Variants in KCNIP4 observed in about 807,000 individuals in gnomAD.
KCNIP4 encodes potassium voltage-gated channel interacting protein 4.
In KCNIP4, 12 loss-of-function variants were observed where a neutral mutation model predicts 34.0. The ratio of observed to expected loss-of-function variants is 0.35; its 90% CI spans 0.23 to 0.57. KCNIP4 has a LOEUF of 0.57. Among genes scored for constraint, KCNIP4 ranks in the 20% least tolerant of loss-of-function variants. The pLI is 0.83. For missense variants in KCNIP4, 238 were observed against 311.7 expected (o/e 0.76, Z 1.78); for synonymous variants, 124 against 102.2 (o/e 1.21, Z -1.29).
intron 2 of KCNIP4, among the ~76,000 whole-genome samples, chr4:20,855,760 T>C (rs1721507477): frequency 6.6e-6 from 1 of 152,172 alleles, no homozygotes; most frequent in Non-Finnish European, 1.5e-5. Context: ...CTTTGTACTT[T>C]TTATATTATA....
chr4:21,235,014 G>T (rs999143779), intron 1 of KCNIP4, among the ~76,000 whole-genome samples: 11 of 152,104 alleles, frequency 7.2e-5, no homozygotes, highest in East Asian at 3.9e-4. Flanking sequence ...CTACAAAGCA[G>T]TTATCAAAAT....
intron 1 of KCNIP4, chr4:20,983,941 A>G (rs1736339448): frequency 5.2e-6 from 8 of 1,535,996 alleles, no homozygotes; most frequent in African/African-American, 4.1e-5. Flanking sequence ...GAGCTGGCAG[A>G]GCATCCCAGC....
chr4:20,875,566 T>G (rs1577296777), intron 2 of KCNIP4, among the ~76,000 whole-genome samples: 2 of 152,352 alleles, frequency 1.3e-5, no homozygotes, highest in Middle Eastern at 3.4e-3. Flanking sequence ...GAATCTTGCT[T>G]TCTATTAAGA....
At position 21,037,524 on chromosome 4, in the gene KCNIP4, G is replaced by A. The variant is rs185065310; in HGVS notation, c.62-154815C>T. On this transcript the variant is annotated intron_variant, in intron 1 of 8. Coordinates refer to ENST00000382152, the MANE Select transcript of KCNIP4 (RefSeq NM_025221.6). ...CAATGGGCTATATCATATAGCCTAA[G>A]TGTGTAGTAGGCTACACCCTCTAGG... is the stretch of plus-strand genomic sequence containing the variant. Among the ~76,000 whole-genome samples the A allele has an allele frequency of 3.1e-3, 473 of 152,290 alleles. 11 individuals carry two copies. In the South Asian group the frequency reaches 0.055, roughly 18 times the overall value.
At chr4:21,268,637 G>A (rs1482381102) in intron 1 of KCNIP4, among the ~76,000 whole-genome samples, 4 of 152,182 alleles carry the variant, frequency 2.6e-5, no homozygotes, top group Admixed American at 2.6e-4. Flanking sequence ...ACACTTCAAG[G>A]GGCAGAGGAA....
intron 1 of KCNIP4, among the ~76,000 whole-genome samples, chr4:21,320,964 T>TTAAAAAAAAAAAAAAAAAAAAAAAAAAA (rs1553860312): frequency 3.9e-5 from 4 of 102,918 alleles, no homozygotes; most frequent in East Asian, 2.6e-4. Context: ...GAATCTGTCT[T>TTAAAAAAAAAAAAAAAAAAAAAAAAAAA]AAAAAAAAAA....
At chr4:21,506,777 A>C (rs1343412806) in intron 1 of KCNIP4, among the ~76,000 whole-genome samples, 1 of 152,210 alleles carries the variant, frequency 6.6e-6, no homozygotes, top group Non-Finnish European at 1.5e-5. Flanking sequence ...TACAGGTGAC[A>C]CAAATTTTAA....
At chr4:21,199,373 G>C (rs1756298422) in intron 1 of KCNIP4, among the ~76,000 whole-genome samples, 1 of 152,130 alleles carries the variant, frequency 6.6e-6, no homozygotes, top group East Asian at 1.9e-4. Context: ...AATGTCTTGA[G>C]AACTATCTGT....
At chr4:20,969,672 A>T (rs1049746824) in intron 1 of KCNIP4, among the ~76,000 whole-genome samples, 2 of 152,182 alleles carry the variant, frequency 1.3e-5, no homozygotes, top group Non-Finnish European at 1.5e-5. Context: ...GGAACTTCAC[A>T]CACAGATAAT....
rs187986166 is a variant in KCNIP4, at chr4:21,016,505, C to T, written c.62-133796G>A. Among the ~76,000 whole-genome samples, 501 of 152,232 alleles carry T rather than the reference C, an allele frequency of 3.3e-3. 1 individual carries two copies. Among genetic ancestry groups the T allele is most frequent in the African/African-American group, 0.011 (469 of 41,550 alleles). ...AGAGATAGGGTTTCACCGTGTTAGC[C>T]TGGATGGTCTCGATCTCCTGACCTC... On this transcript the variant is annotated intron_variant, in intron 1 of 8. Transcript: ENST00000382152.
intron 1 of KCNIP4, among the ~76,000 whole-genome samples, chr4:20,897,946 C>A (rs78738081): frequency 6.6e-6 from 1 of 152,284 alleles, no homozygotes; most frequent in African/African-American, 2.4e-5. Context: ...GTCAAATATT[C>A]TTTCTTGGTG....
chr4:20,740,482 TAAGTG>T (rs1750800574), intron 5 of KCNIP4, among the ~76,000 whole-genome samples: 2 of 152,140 alleles, frequency 1.3e-5, no homozygotes, highest in African/African-American at 4.8e-5. Flanking sequence ...CTAAGCTTCA[TAAGTG>T]AAGGAGAAAT....
At chr4:21,137,381 T>C (rs1367997704) in intron 1 of KCNIP4, among the ~76,000 whole-genome samples, 1 of 152,216 alleles carries the variant, frequency 6.6e-6, no homozygotes, top group Non-Finnish European at 1.5e-5. Context: ...GCTTTTCTTA[T>C]CAGGGAAGGC....
intron 1 of KCNIP4, among the ~76,000 whole-genome samples, chr4:21,123,765 T>C (rs1433480): frequency 0.99 from 151,203 of 152,228 alleles, 75,092 homozygotes; most frequent in Middle Eastern, 1. Flanking sequence ...GGGATTATTG[T>C]CCTTAAAGGA....
rs34222306 is a variant in KCNIP4, at chr4:21,480,766, A to C, written c.61+467805T>G. On this transcript the variant is annotated intron_variant, in intron 1 of 8. Transcript: ENST00000382152. ...AGAAACTGTAAAACATAAATGGAGAACATAAAAGAAAACCTAAATAAATGA... is the reference window on the plus strand; with the variant it reads ...AGAAACTGTAAAACATAAATGGAGACCATAAAAGAAAACCTAAATAAATGA... Among the ~76,000 whole-genome samples the C allele has an allele frequency of 3.2e-3, 485 of 151,870 alleles. 3 individuals carry two copies. The highest frequency in any genetic ancestry group is 0.011 in the African/African-American group (466 of 41,378).
intron 1 of KCNIP4, among the ~76,000 whole-genome samples, chr4:21,073,070 C>T (rs968573705): frequency 6.6e-6 from 1 of 152,180 alleles, no homozygotes; most frequent in Non-Finnish European, 1.5e-5. Flanking sequence ...AGTTTGAAGT[C>T]AGGTAGCATG....
At chr4:21,784,142 G>A (rs1218103476) in intron 1 of KCNIP4, among the ~76,000 whole-genome samples, 1 of 151,190 alleles carries the variant, frequency 6.6e-6, no homozygotes, top group Non-Finnish European at 1.5e-5. Flanking sequence ...GCGGTGGGGG[G>A]TGGGGTCGAA....
intron 1 of KCNIP4, among the ~76,000 whole-genome samples, chr4:21,126,066 C>T (rs1395718386): frequency 1.3e-5 from 2 of 152,006 alleles, no homozygotes; most frequent in African/African-American, 4.8e-5. Flanking sequence ...GGTATAAATA[C>T]CCTGCAATTA....
At chr4:21,730,457 AG>A (rs1315241936) in intron 1 of KCNIP4, among the ~76,000 whole-genome samples, 4 of 152,152 alleles carry the variant, frequency 2.6e-5, no homozygotes, top group African/African-American at 9.7e-5. Flanking sequence ...GAATGACAGC[AG>A]GTAAGCGAGC....
Sources: allele counts gnomAD v4.1 joint callset (sites outside exome capture counted in the v4.1 genomes callset), GRCh38; gene constraint gnomAD v4.1.1; transcripts MANE v1.5; gene names NCBI Gene and HGNC (gene_info 2026-07-23, HGNC 2026-07-21).